Variants in CSMD2 observed in about 807,000 individuals in gnomAD.
The protein encoded by CSMD2 is CUB and Sushi multiple domains 2, also known as CUB and sushi domain-containing protein 2.
CSMD2 carries 130 observed loss-of-function variants against 398.5 expected under a neutral mutation model. That is an observed-to-expected ratio of 0.33 (90% CI 0.28 to 0.38). CSMD2 has a LOEUF of 0.38. Ranked by LOEUF, CSMD2 falls within the 10% of genes least tolerant of loss-of-function variation. The probability of loss-of-function intolerance (pLI) is 1.00; values close to 1 mark genes in which losing one functional copy is unlikely to be tolerated. For missense variants in CSMD2, 3,829 were observed against 4,764.9 expected (o/e 0.80, Z 5.78); for synonymous variants, 1,828 against 1,908.5 (o/e 0.96, Z 1.10).
intron 13 of CSMD2, among the ~76,000 whole-genome samples, chr1:33,744,906 A>AT (rs1421557446): frequency 6.6e-6 from 1 of 152,210 alleles, no homozygotes; most frequent in Non-Finnish European, 1.5e-5. Context: ...TGAAGGGAGT[A>AT]TGTAAGTTCG....
At chr1:33,889,895 G>A (rs893488293) in intron 5 of CSMD2, among the ~76,000 whole-genome samples, 2 of 151,632 alleles carry the variant, frequency 1.3e-5, no homozygotes, top group African/African-American at 4.8e-5. Flanking sequence ...CGACTTTAAC[G>A]TTTTATTCTG....
chr1:33,920,005 G>A (rs1276870000), intron 4 of CSMD2, among the ~76,000 whole-genome samples: 1 of 152,170 alleles, frequency 6.6e-6, no homozygotes, highest in Non-Finnish European at 1.5e-5. Context: ...TAGTAAATGA[G>A]CTGGTAAGTG....
chr1:33,696,840 T>G (rs1040813782), intron 24 of CSMD2, among the ~76,000 whole-genome samples: 1 of 152,170 alleles, frequency 6.6e-6, no homozygotes, highest in African/African-American at 2.4e-5. Context: ...TTCCCACCCT[T>G]GAGTCTTGGC....
intron 5 of CSMD2, among the ~76,000 whole-genome samples, chr1:33,851,966 C>T (rs1010270591): frequency 6.6e-6 from 1 of 152,002 alleles, no homozygotes; most frequent in Non-Finnish European, 1.5e-5. Context: ...GTTGTGTGGA[C>T]AGCTCTGAAA....
At chr1:34,143,352 C>T (rs1188616019) in intron 1 of CSMD2, among the ~76,000 whole-genome samples, 1 of 152,136 alleles carries the variant, frequency 6.6e-6, no homozygotes, top group African/African-American at 2.4e-5. Flanking sequence ...CACTAACTGC[C>T]CCCTAGACCT....
At chr1:34,056,261 T>G (rs1210327821) in intron 2 of CSMD2, among the ~76,000 whole-genome samples, 1 of 152,194 alleles carries the variant, frequency 6.6e-6, no homozygotes, top group Non-Finnish European at 1.5e-5. Flanking sequence ...GCTCTGCCTC[T>G]AATCTCTCCC....
At position 33,823,636 on chromosome 1, in the gene CSMD2, C is replaced by A. The variant is rs1289726847; in HGVS notation, c.1111+2061G>T. On this transcript the variant is annotated intron_variant, in intron 7 of 70. Coordinates refer to ENST00000373381, the MANE Select transcript of CSMD2 (RefSeq NM_001281956.2). ...CTGATGGCAAGGTAGAGAGTTGGGT[C>A]CACTCTCCCCATGAACTTCAGGGCA... Among the ~76,000 whole-genome samples the A allele has an allele frequency of 2.0e-5, 3 of 152,126 alleles. No individual in the cohort carries two copies. The East Asian group carries it at 5.8e-4, about 30-fold the overall frequency.
Position 33,742,644 on chromosome 1 carries a change from A to C in CSMD2, c.2173+636T>G, listed in dbSNP as rs1352811217. 2.4e-5 allele frequency among the ~76,000 whole-genome samples: 3 copies of C among 126,506 alleles called. No homozygotes were observed. In the East Asian group the frequency reaches 8.3e-4, roughly 35 times the overall value. 83.0% of individuals were successfully genotyped at this position (126,506 alleles called of 152,430 possible). ...AATAAAAATAATCACTGCTGAGTTT[A>C]GGCTGCTTCTAGAGAAGGGGCCCAG... is the stretch of plus-strand genomic sequence containing the variant. On this transcript the variant is annotated intron_variant, in intron 14 of 70. Coordinates refer to ENST00000373381, the MANE Select transcript of CSMD2 (RefSeq NM_001281956.2).
intron 4 of CSMD2, among the ~76,000 whole-genome samples, chr1:33,928,163 G>A (rs2125309484): frequency 6.6e-6 from 1 of 152,316 alleles, no homozygotes; most frequent in Admixed American, 6.5e-5. Context: ...TGCAGTGGAG[G>A]GTGGTGGTCA....
At chr1:33,540,834 C>G in intron 59 of CSMD2, 136 bp from the exon 60 acceptor site, 1 of 965,930 alleles carries the variant, frequency 1.0e-6, no homozygotes, top group Non-Finnish European at 1.5e-6. Flanking sequence ...ATGGGGCCCT[C>G]TTACTGTGGG....
rs1322811188 is a variant in CSMD2, at chr1:33,658,105, T to A, written c.4288A>T (p.Ile1430Phe). 1 of 1,614,110 alleles carries A rather than the reference T, an allele frequency of 6.2e-7. No individual in the cohort carries two copies. The highest frequency in any genetic ancestry group is 8.5e-7 in the Non-Finnish European group (1 of 1,180,004). ...CCACTCCGACTCCCATTCTGCGGGA[T>A]CCCAGGGTCATTGCAGGACGTTGCT... ...STATSCNDPG[I>F]PQNGSRSGDS... The change falls in exon 27 of 71, where the codon ATC becomes TTC. Residue 1430 changes from isoleucine (I) to phenylalanine (F), a missense_variant. Coordinates refer to ENST00000373381, the MANE Select transcript of CSMD2 (RefSeq NM_001281956.2).
intron 10 of CSMD2, among the ~76,000 whole-genome samples, chr1:33,797,755 C>G (rs1344593740): frequency 6.6e-6 from 1 of 152,188 alleles, no homozygotes; most frequent in Non-Finnish European, 1.5e-5. Flanking sequence ...AGGGCCTGGG[C>G]TCTGCAGGGA....
At chr1:33,892,372 T>C (rs541985113) in intron 5 of CSMD2, among the ~76,000 whole-genome samples, 26 of 152,322 alleles carry the variant, frequency 1.7e-4, no homozygotes, top group African/African-American at 5.5e-4. Context: ...TTTGGTTACA[T>C]GGACATGTTC....
intron 3 of CSMD2, among the ~76,000 whole-genome samples, chr1:33,979,557 A>T (rs1252427966): frequency 6.6e-6 from 1 of 152,204 alleles, no homozygotes; most frequent in African/African-American, 2.4e-5. Context: ...TCCATTTGAG[A>T]AACAGACTGG....
intron 5 of CSMD2, among the ~76,000 whole-genome samples, chr1:33,868,646 G>T (rs1442970582): frequency 6.6e-6 from 1 of 152,188 alleles, no homozygotes; most frequent in Non-Finnish European, 1.5e-5. Context: ...TGAGGCAGGA[G>T]AATTGCTTGA....
At chr1:33,866,917 T>G (rs532908712) in intron 5 of CSMD2, among the ~76,000 whole-genome samples, 27 of 152,372 alleles carry the variant, frequency 1.8e-4, no homozygotes, top group African/African-American at 6.5e-4. Flanking sequence ...ACTGAGGTAA[T>G]ACATGTAAAA....
At chr1:34,129,398 T>A (rs1398811394) in intron 1 of CSMD2, among the ~76,000 whole-genome samples, 1 of 152,146 alleles carries the variant, frequency 6.6e-6, no homozygotes, top group Non-Finnish European at 1.5e-5. Context: ...ACGCCTGTAA[T>A]CCCAGCACTT....
chr1:33,786,377 T>G (rs1653539041), intron 12 of CSMD2, among the ~76,000 whole-genome samples: 1 of 152,166 alleles, frequency 6.6e-6, no homozygotes, highest in South Asian at 2.1e-4. Flanking sequence ...TTTGCATCCA[T>G]CTCCATTCCC....
chr1:33,628,954 G>C (rs931010475), intron 32 of CSMD2, among the ~76,000 whole-genome samples: 3 of 151,742 alleles, frequency 2.0e-5, no homozygotes, highest in Non-Finnish European at 4.4e-5. Context: ...GAAAGATAAA[G>C]TTTGACCCGT....
Sources: allele counts gnomAD v4.1 joint callset (sites outside exome capture counted in the v4.1 genomes callset), GRCh38; gene constraint gnomAD v4.1.1; transcripts MANE v1.5; gene names NCBI Gene and HGNC (gene_info 2026-07-23, HGNC 2026-07-21).